Variants in LINGO2 observed in about 807,000 individuals in gnomAD.
The protein encoded by LINGO2 is leucine rich repeat and Ig domain containing 2, also known as leucine-rich repeat and immunoglobulin-like domain-containing nogo receptor-interacting protein 2.
In LINGO2, 14 loss-of-function variants were observed where a neutral mutation model predicts 30.6. The ratio of observed to expected loss-of-function variants is 0.46; its 90% CI spans 0.30 to 0.72. LINGO2 has a LOEUF of 0.72. LINGO2 is among the 30% of genes least tolerant of loss of function. The pLI, the probability that LINGO2 is intolerant of heterozygous loss-of-function variation, is 0.07. For missense variants in LINGO2, 729 were observed against 751.7 expected, an observed-to-expected ratio of 0.97 and a Z score of 0.35; for synonymous variants, 317 against 288.5, an observed-to-expected ratio of 1.10 and a Z score of -1.00.
At chr9:28,412,456 C>T (rs530773180) in intron 2 of LINGO2, among the ~76,000 whole-genome samples, 36 of 152,034 alleles carry the variant, frequency 2.4e-4, no homozygotes, top group African/African-American at 8.4e-4. Context: ...AAAAAACATG[C>T]AAATTGAAAA....
chr9:29,180,360 A>G, the LINGO2 span, among the ~76,000 whole-genome samples: 1 of 152,230 alleles, frequency 6.6e-6, no homozygotes, highest in Non-Finnish European at 1.5e-5. Flanking sequence ...CCCACGTTAT[A>G]CATGCGAGGC....
the LINGO2 span, among the ~76,000 whole-genome samples, chr9:29,127,104 T>C: frequency 6.6e-6 from 1 of 152,074 alleles, no homozygotes; most frequent in Non-Finnish European, 1.5e-5. Flanking sequence ...TTCATTTACA[T>C]AGGGTATAAC....
At chr9:28,059,817 T>C (rs1825085906) in intron 4 of LINGO2, among the ~76,000 whole-genome samples, 1 of 151,982 alleles carries the variant, frequency 6.6e-6, no homozygotes, top group Non-Finnish European at 1.5e-5. Flanking sequence ...AAGGAAAGGA[T>C]ACTGGATTGA....
At chr9:28,879,479 A>G in the LINGO2 span, among the ~76,000 whole-genome samples, 1 of 152,168 alleles carries the variant, frequency 6.6e-6, no homozygotes, top group East Asian at 1.9e-4. Flanking sequence ...CTATATTAAC[A>G]ATCTTTTCCA....
chr9:29,055,703 T>C, the LINGO2 span, among the ~76,000 whole-genome samples: 1 of 152,074 alleles, frequency 6.6e-6, no homozygotes, highest in African/African-American at 2.4e-5. Context: ...TAGTCCTTTA[T>C]CCATCACCTC....
chr9:28,126,505 C>T (rs1827240430), intron 4 of LINGO2, among the ~76,000 whole-genome samples: 1 of 152,184 alleles, frequency 6.6e-6, no homozygotes, highest in Admixed American at 6.6e-5. Flanking sequence ...CAGACCACAT[C>T]CTTGTGAAAG....
At chr9:28,254,597 G>A (rs1027337590) in intron 4 of LINGO2, among the ~76,000 whole-genome samples, 4 of 151,978 alleles carry the variant, frequency 2.6e-5, no homozygotes, top group Non-Finnish European at 5.9e-5. Flanking sequence ...TAAATCCCAT[G>A]AGAAGGTTCA....
At chr9:28,051,233 T>C (rs1824656686) in intron 4 of LINGO2, among the ~76,000 whole-genome samples, 2 of 151,856 alleles carry the variant, frequency 1.3e-5, no homozygotes, top group South Asian at 4.1e-4. Context: ...TTCTCCAAAG[T>C]GAAGACTGAA....
intron 5 of LINGO2, among the ~76,000 whole-genome samples, chr9:27,977,450 G>A (rs1421646448): frequency 6.6e-6 from 1 of 151,876 alleles, no homozygotes; most frequent in African/African-American, 2.4e-5. Context: ...TGCCTCAAAA[G>A]AAAATTACCT....
the LINGO2 span, among the ~76,000 whole-genome samples, chr9:28,898,182 C>T: frequency 2.0e-5 from 3 of 152,072 alleles, no homozygotes; most frequent in South Asian, 4.1e-4. Context: ...AACTGGGAAG[C>T]TACTTTGAAT....
At chr9:28,255,156 T>C (rs1479897845) in intron 4 of LINGO2, among the ~76,000 whole-genome samples, 2 of 152,084 alleles carry the variant, frequency 1.3e-5, no homozygotes, top group African/African-American at 2.4e-5. Flanking sequence ...TTTCCTTTCT[T>C]CTCTTTTTAC....
intron 2 of LINGO2, among the ~76,000 whole-genome samples, chr9:28,439,332 C>T (rs993175828): frequency 1.3e-5 from 2 of 151,562 alleles, no homozygotes; most frequent in Admixed American, 6.6e-5. Flanking sequence ...AAGCAAGGAT[C>T]CTCTGGCAGT....
At chr9:29,136,562 T>C in the LINGO2 span, among the ~76,000 whole-genome samples, 891 of 152,282 alleles carry the variant, frequency 5.9e-3, 8 homozygotes, top group African/African-American at 0.021. Flanking sequence ...CCTCTTAAAA[T>C]ATTTCTTCAT....
chr9:28,256,159 G>C (rs754776777), intron 4 of LINGO2, among the ~76,000 whole-genome samples: 24 of 151,916 alleles, frequency 1.6e-4, no homozygotes, highest in South Asian at 4.1e-4. Context: ...AGGAATTCTT[G>C]GCATTTATTT....
At chr9:28,750,333 C>G in the LINGO2 span, among the ~76,000 whole-genome samples, 2 of 152,092 alleles carry the variant, frequency 1.3e-5, no homozygotes, top group Non-Finnish European at 2.9e-5. Context: ...TGGCGTAAGC[C>G]AAGATTCTAT....
intron 4 of LINGO2, among the ~76,000 whole-genome samples, chr9:28,015,773 G>A (rs1822799553): frequency 6.8e-6 from 1 of 147,312 alleles, no homozygotes. Flanking sequence ...AGACTCAGGT[G>A]ATAATCCCAG....
At chr9:28,041,750 T>C (rs1215962624) in intron 4 of LINGO2, among the ~76,000 whole-genome samples, 1 of 152,212 alleles carries the variant, frequency 6.6e-6, no homozygotes, top group Non-Finnish European at 1.5e-5. Flanking sequence ...GTTAGCGACA[T>C]ATTATAATTT....
At chr9:29,154,289 T>C in the LINGO2 span, among the ~76,000 whole-genome samples, 1 of 137,598 alleles carries the variant, frequency 7.3e-6, no homozygotes, top group Non-Finnish European at 1.6e-5. Context: ...CTACTAAAAA[T>C]ACAAAAAAAA....
the LINGO2 span, among the ~76,000 whole-genome samples, chr9:28,695,158 G>A: frequency 6.6e-6 from 1 of 151,886 alleles, no homozygotes; most frequent in African/African-American, 2.4e-5. Context: ...TTTCATAACT[G>A]GCAGGCTTAG....
Sources: gnomAD v4.1 joint callset for allele counts (sites outside exome capture counted in the v4.1 genomes callset) on GRCh38, gnomAD v4.1.1 for gene constraint, MANE v1.5 for transcripts, NCBI Gene and HGNC (gene_info 2026-07-23, HGNC 2026-07-21) for gene names.